Variants in TMTC1 observed in about 807,000 individuals in gnomAD.
TMTC1 encodes the protein protein O-mannosyl-transferase TMTC1.
Under a neutral mutation model 104.8 loss-of-function variants are expected in TMTC1, and 73 were observed. The observed-to-expected ratio is 0.70, with a 90% CI of 0.58 to 0.85. TMTC1 has a LOEUF of 0.85. TMTC1 is among the 40% of genes least tolerant of loss of function. The pLI, the probability that TMTC1 is intolerant of heterozygous loss-of-function variation, is 0.00. For synonymous variants in TMTC1, 434 were observed against 428.7 expected (o/e 1.01, Z -0.15); for missense variants, 1,035 against 1,096.1 (o/e 0.94, Z 0.79).
intron 10 of TMTC1, among the ~76,000 whole-genome samples, chr12:29,537,566 C>G (rs1185780229): frequency 6.6e-6 from 1 of 152,186 alleles, no homozygotes; most frequent in Non-Finnish European, 1.5e-5. Context: ...AGACCTGTTT[C>G]AGCAACATCA....
At chr12:29,729,383 C>T (rs908126409) in intron 5 of TMTC1, among the ~76,000 whole-genome samples, 6 of 151,956 alleles carry the variant, frequency 3.9e-5, no homozygotes, top group Admixed American at 6.6e-5. Flanking sequence ...GAAGGCCAGC[C>T]GTGTGGTCAC....
intron 9 of TMTC1, among the ~76,000 whole-genome samples, chr12:29,562,122 T>C (rs1264145230): frequency 1.3e-5 from 2 of 152,228 alleles, no homozygotes; most frequent in African/African-American, 2.4e-5. Context: ...AAATTGCACT[T>C]GAGTAAAACT....
chr12:29,671,340 TAAAC>T (rs137957294), intron 5 of TMTC1, among the ~76,000 whole-genome samples: 51,232 of 149,490 alleles, frequency 0.34, 9,852 homozygotes, highest in African/African-American at 0.52. Flanking sequence ...ATAAAAGAAA[TAAAC>T]AAAAAGTCTA....
intron 8 of TMTC1, among the ~76,000 whole-genome samples, chr12:29,581,268 C>T (rs1465351531): frequency 6.6e-6 from 1 of 152,138 alleles, no homozygotes; most frequent in Non-Finnish European, 1.5e-5. Flanking sequence ...TCTGTTCTGG[C>T]CTTGAAGGAA....
intron 11 of TMTC1, among the ~76,000 whole-genome samples, chr12:29,525,365 T>C (rs1254651113): frequency 6.6e-6 from 1 of 151,666 alleles, no homozygotes. Context: ...TTTGTATTTT[T>C]AGTAGAGACA....
At chr12:29,665,994 T>C (rs1434717924) in intron 5 of TMTC1, among the ~76,000 whole-genome samples, 1 of 151,060 alleles carries the variant, frequency 6.6e-6, no homozygotes, top group Non-Finnish European at 1.5e-5. Flanking sequence ...CACTTGTCCA[T>C]GCTATATTCA....
At chr12:29,742,582 GTCTT>G (rs1942855255) in intron 5 of TMTC1, among the ~76,000 whole-genome samples, 1 of 152,032 alleles carries the variant, frequency 6.6e-6, no homozygotes, top group Admixed American at 6.6e-5. Context: ...AGTAAATTAA[GTCTT>G]TATTATTTGC....
chr12:29,712,716 A>G (rs1381021526), intron 5 of TMTC1, among the ~76,000 whole-genome samples: 1 of 152,208 alleles, frequency 6.6e-6, no homozygotes, highest in Non-Finnish European at 1.5e-5. Flanking sequence ...AGGAAAATCT[A>G]TCCTTGCTCA....
chr12:29,603,586 C>G (rs939335618), intron 7 of TMTC1, among the ~76,000 whole-genome samples: 1 of 151,978 alleles, frequency 6.6e-6, no homozygotes, highest in Non-Finnish European at 1.5e-5. Flanking sequence ...AGAAAAGTGG[C>G]CTTGGAACAA....
rs144291432 is a variant in TMTC1, at chr12:29,692,881, A to T, written c.938+58785T>A. On this transcript the variant is annotated intron_variant, in intron 5 of 17. Transcript: ENST00000539277. ...TTAAAAACATCATACTACATTAAAG[A>T]AGCCTGACACAAAATAACACGTTTT... Among the ~76,000 whole-genome samples, 81 of 144,890 alleles carry T rather than the reference A, an allele frequency of 5.6e-4. 10 individuals carry two copies. Among genetic ancestry groups the T allele is most frequent in the African/African-American group, 2.0e-3 (79 of 39,460 alleles).
chr12:29,757,796 T>C (rs1183583567), intron 3 of TMTC1, among the ~76,000 whole-genome samples: 1 of 152,176 alleles, frequency 6.6e-6, no homozygotes, highest in Non-Finnish European at 1.5e-5. Flanking sequence ...ACATCTTACA[T>C]GGATGGCGGC....
At chr12:29,542,561 A>G (rs538543714) in intron 10 of TMTC1, among the ~76,000 whole-genome samples, 8 of 152,272 alleles carry the variant, frequency 5.3e-5, no homozygotes, top group African/African-American at 1.9e-4. Flanking sequence ...GGTGTTTGGT[A>G]AAGTGCAGAA....
rs1234293250 is a variant in TMTC1, at chr12:29,606,776, G to A, written c.1129-2477C>T. 2.6e-5 allele frequency among the ~76,000 whole-genome samples: 4 copies of A among 152,216 alleles called. No individual in the cohort carries two copies. In the East Asian group the frequency reaches 7.7e-4, roughly 29 times the overall value. ...GTTATTGGGAAAGAGCCCTCACTGG[G>A]AATCTGAAAGAGGCTTCTCTCTATA... On this transcript the variant is annotated intron_variant, in intron 6 of 17. Coordinates refer to ENST00000539277, the MANE Select transcript of TMTC1 (RefSeq NM_001193451.2).
chr12:29,741,291 A>G (rs1247995815), intron 5 of TMTC1, among the ~76,000 whole-genome samples: 4 of 152,224 alleles, frequency 2.6e-5, no homozygotes, highest in Admixed American at 2.0e-4. Context: ...GTGTAGTCAC[A>G]AGAGTCTCTC....
chr12:29,599,797 T>G (rs1204103387), intron 7 of TMTC1, among the ~76,000 whole-genome samples: 2 of 152,114 alleles, frequency 1.3e-5, no homozygotes, highest in Non-Finnish European at 2.9e-5. Context: ...TTCATTTTCC[T>G]ATTGTTCACT....
rs112746950 is a variant in TMTC1, at chr12:29,705,942, GA to G, written c.938+45723del. 4.5e-3 allele frequency among the ~76,000 whole-genome samples: 657 copies of G among 146,678 alleles called. 8 individuals carry two copies. In the East Asian group the frequency reaches 0.061, roughly 14 times the overall value. On this transcript the variant is annotated intron_variant, in intron 5 of 17. Transcript: ENST00000539277. ...CCAAGAATGTCTGCTTCGGGCTGAAGAAAAAAAAAAGCATCATCTAAACTAT... is the reference window on the plus strand; with the variant it reads ...CCAAGAATGTCTGCTTCGGGCTGAAGAAAAAAAAAGCATCATCTAAACTAT...
chr12:29,616,368 A>G (rs1419028382), intron 6 of TMTC1, among the ~76,000 whole-genome samples: 2 of 152,158 alleles, frequency 1.3e-5, no homozygotes, highest in African/African-American at 4.8e-5. Context: ...CCATCACGCT[A>G]CAGTTGAAAT....
intron 5 of TMTC1, among the ~76,000 whole-genome samples, chr12:29,728,136 T>A (rs1942448876): frequency 6.6e-6 from 1 of 152,180 alleles, no homozygotes; most frequent in Non-Finnish European, 1.5e-5. Context: ...TAATGTAGTA[T>A]CTTAAGCATC....
intron 10 of TMTC1, among the ~76,000 whole-genome samples, chr12:29,541,330 A>T (rs1020755877): frequency 6.6e-6 from 1 of 152,158 alleles, no homozygotes; most frequent in South Asian, 2.1e-4. Context: ...AGACTTAAAA[A>T]CCAGAAGGAC....
Sources: allele counts gnomAD v4.1 joint callset (sites outside exome capture counted in the v4.1 genomes callset), GRCh38; gene constraint gnomAD v4.1.1; transcripts MANE v1.5; gene names NCBI Gene and HGNC (gene_info 2026-07-23, HGNC 2026-07-21).